The following BRD10 variants were observed in gnomAD, a reference collection of about 807,000 sequenced individuals.
BRD10 encodes uncharacterized bromodomain-containing protein 10.
the BRD10 span, among the ~76,000 whole-genome samples, chr9:5,955,054 C>A: frequency 2.0e-5 from 3 of 151,918 alleles, no homozygotes; most frequent in Non-Finnish European, 4.4e-5. Flanking sequence ...CACCATTGTT[C>A]TCCAGCCTGG....
At chr9:5,936,058 A>T in the BRD10 span, among the ~76,000 whole-genome samples, 20 of 152,272 alleles carry the variant, frequency 1.3e-4, no homozygotes, top group South Asian at 1.7e-3. Flanking sequence ...ATTGCTTTTT[A>T]AAAAAATTAT....
chr9:5,951,624 C>A, the BRD10 span, among the ~76,000 whole-genome samples: 2 of 152,128 alleles, frequency 1.3e-5, no homozygotes, highest in Non-Finnish European at 2.9e-5. Context: ...AATACCATAT[C>A]GCTAGAACTT....
At chr9:5,939,559 G>A in the BRD10 span, among the ~76,000 whole-genome samples, 1 of 152,168 alleles carries the variant, frequency 6.6e-6, no homozygotes, top group Admixed American at 6.5e-5. Flanking sequence ...TTAATTAGAA[G>A]TATATTATGT....
chr9:5,969,256 A>G, the BRD10 span: 14 of 1,613,948 alleles, frequency 8.7e-6, no homozygotes, highest in South Asian at 1.3e-4. Flanking sequence ...CCAATTCGTA[A>G]AAGACTATTT....
the BRD10 span, chr9:5,920,916 T>A: frequency 5.6e-6 from 9 of 1,613,984 alleles, no homozygotes; most frequent in East Asian, 2.0e-4. Context: ...TTTGACAAAA[T>A]AGGCATAATT....
At chr9:6,007,513 T>C in the BRD10 span, 1 of 1,610,150 alleles carries the variant, frequency 6.2e-7, no homozygotes, top group Non-Finnish European at 8.5e-7. Context: ...CCGGTGCTTC[T>C]CCTGCAGGAA....
At chr9:5,931,433 T>C in the BRD10 span, among the ~76,000 whole-genome samples, 1 of 152,232 alleles carries the variant, frequency 6.6e-6, no homozygotes, top group African/African-American at 2.4e-5. Context: ...ATTACTAATC[T>C]TAGAAATTTA....
the BRD10 span, among the ~76,000 whole-genome samples, chr9:5,980,015 AAAAAAAAAAAAAAG>A: frequency 2.7e-4 from 8 of 29,128 alleles, no homozygotes; most frequent in Admixed American, 1.3e-3. Context: ...ACTCCATCTC[AAAAAAAAAAAAAAG>A]AAAAAAAAAA....
At chr9:5,911,762 T>C in the BRD10 span, among the ~76,000 whole-genome samples, 1 of 152,080 alleles carries the variant, frequency 6.6e-6, no homozygotes, top group Non-Finnish European at 1.5e-5. Flanking sequence ...CTTGAACTCC[T>C]GACCTCAAGT....
chr9:5,911,167 T>C, the BRD10 span, among the ~76,000 whole-genome samples: 1 of 152,216 alleles, frequency 6.6e-6, no homozygotes. Flanking sequence ...AGCAGTTTCA[T>C]AATTTGAGGT....
chr9:5,889,689 G>A, the BRD10 span, among the ~76,000 whole-genome samples: 2 of 152,124 alleles, frequency 1.3e-5, no homozygotes, highest in Non-Finnish European at 2.9e-5. Context: ...GGAGGCTGAG[G>A]CAGGAGAATT....
the BRD10 span, among the ~76,000 whole-genome samples, chr9:5,967,206 A>G: frequency 1.3e-5 from 2 of 151,836 alleles, no homozygotes; most frequent in African/African-American, 2.4e-5. Context: ...TTTTTTTCCA[A>G]TCAAGCAACT....
At chr9:5,961,710 T>C in the BRD10 span, among the ~76,000 whole-genome samples, 2 of 152,162 alleles carry the variant, frequency 1.3e-5, no homozygotes, top group Non-Finnish European at 1.5e-5. Flanking sequence ...ATGTTTCCAA[T>C]AGTAAGGAAC....
chr9:5,964,423 T>C, the BRD10 span, among the ~76,000 whole-genome samples: 113 of 151,316 alleles, frequency 7.5e-4, 1 homozygote, highest in South Asian at 6.1e-3. Flanking sequence ...CTGGAGAGGA[T>C]GTGGAGAAAT....
chr9:5,996,798 A>G, the BRD10 span, among the ~76,000 whole-genome samples: 1 of 152,212 alleles, frequency 6.6e-6, no homozygotes, highest in East Asian at 1.9e-4. Context: ...TTAGTAAGTT[A>G]GGGCTGCTCT....
chr9:5,942,754 G>C, the BRD10 span, among the ~76,000 whole-genome samples: 80 of 152,296 alleles, frequency 5.3e-4, no homozygotes, highest in African/African-American at 1.9e-3. Flanking sequence ...GCAAACATCA[G>C]GGGGCATGGA....
chr9:5,939,168 T>G, the BRD10 span, among the ~76,000 whole-genome samples: 2 of 152,184 alleles, frequency 1.3e-5, no homozygotes, highest in Admixed American at 1.3e-4. Context: ...CTCATATCAG[T>G]ATTCATATAG....
At chr9:5,977,797 T>C in the BRD10 span, among the ~76,000 whole-genome samples, 4 of 152,256 alleles carry the variant, frequency 2.6e-5, no homozygotes, top group African/African-American at 9.6e-5. Flanking sequence ...ATCACGTCAC[T>C]GCACTCCAGC....
chr9:5,921,889 G>C, the BRD10 span: 27 of 1,613,854 alleles, frequency 1.7e-5, no homozygotes, highest in Non-Finnish European at 2.1e-5. Flanking sequence ...ATGTAAGTTT[G>C]AGATTTTTCC....
Sources: allele counts gnomAD v4.1 joint callset (sites outside exome capture counted in the v4.1 genomes callset), GRCh38; gene constraint gnomAD v4.1.1; transcripts MANE v1.5; gene names NCBI Gene and HGNC (gene_info 2026-07-23, HGNC 2026-07-21).